SPIDR: variants seen among roughly 807,000 people sequenced by gnomAD.
SPIDR encodes scaffold protein involved in DNA repair.
In SPIDR, 93 loss-of-function variants were observed where a neutral mutation model predicts 104.6. That is an observed-to-expected ratio of 0.89 (90% CI 0.75 to 1.06). The LOEUF is 1.06. Ranked by LOEUF, SPIDR falls within the 50% of genes least tolerant of loss-of-function variation. The pLI, the probability that SPIDR is intolerant of heterozygous loss-of-function variation, is 0.00. For missense variants in SPIDR, 1,154 were observed against 1,111.2 expected, an observed-to-expected ratio of 1.04 and a Z score of -0.55; for synonymous variants, 431 against 416.9, an observed-to-expected ratio of 1.03 and a Z score of -0.41.
chr8:47,616,583 T>C (rs1318496476), intron 10 of SPIDR, among the ~76,000 whole-genome samples: 3 of 152,256 alleles, frequency 2.0e-5, no homozygotes, highest in Non-Finnish European at 4.4e-5. Flanking sequence ...TGCAGTGATA[T>C]TCTCTATAGT....
intron 8 of SPIDR, among the ~76,000 whole-genome samples, chr8:47,588,865 A>G (rs1248272189): frequency 6.6e-6 from 1 of 152,148 alleles, no homozygotes; most frequent in Non-Finnish European, 1.5e-5. Flanking sequence ...AACTTGGTGA[A>G]GGTGATTTTC....
chr8:47,430,033 G>T (rs141534492), intron 7 of SPIDR, among the ~76,000 whole-genome samples: 62 of 152,130 alleles, frequency 4.1e-4, no homozygotes, highest in African/African-American at 1.4e-3. Flanking sequence ...CCATGTGAAA[G>T]TCTCTCTCAG....
At chr8:47,317,780 C>A (rs1301283790) in intron 5 of SPIDR, among the ~76,000 whole-genome samples, 3 of 152,262 alleles carry the variant, frequency 2.0e-5, no homozygotes, top group African/African-American at 7.2e-5. Context: ...AGCAACATTT[C>A]CTGCTCACCG....
At chr8:47,531,880 A>G (rs989275970) in intron 8 of SPIDR, among the ~76,000 whole-genome samples, 1 of 152,348 alleles carries the variant, frequency 6.6e-6, no homozygotes, top group African/African-American at 2.4e-5. Flanking sequence ...GAAGAAAAAA[A>G]TAGAATCATA....
intron 10 of SPIDR, among the ~76,000 whole-genome samples, chr8:47,606,966 A>G (rs1372557746): frequency 1.3e-5 from 2 of 152,238 alleles, no homozygotes; most frequent in African/African-American, 2.4e-5. Context: ...TCCCTCGTCA[A>G]CAACACAGGG....
chr8:47,593,357 G>A (rs2061281591), intron 8 of SPIDR, among the ~76,000 whole-genome samples: 1 of 151,570 alleles, frequency 6.6e-6, no homozygotes, highest in Admixed American at 6.6e-5. Context: ...CCATTTTTAA[G>A]AAATATTTAT....
intron 5 of SPIDR, among the ~76,000 whole-genome samples, chr8:47,367,728 C>T (rs1205003989): frequency 6.6e-6 from 1 of 152,194 alleles, no homozygotes; most frequent in Non-Finnish European, 1.5e-5. Context: ...GGAGTGTGTC[C>T]ATAACCCGCC....
At chr8:47,719,392 C>T (rs920198048) in intron 16 of SPIDR, among the ~76,000 whole-genome samples, 6 of 152,042 alleles carry the variant, frequency 3.9e-5, no homozygotes, top group Non-Finnish European at 7.4e-5. Flanking sequence ...ACCTGTAGTC[C>T]CAGCTACTCG....
intron 5 of SPIDR, among the ~76,000 whole-genome samples, chr8:47,357,217 G>A (rs1257150729): frequency 1.3e-5 from 2 of 152,182 alleles, no homozygotes; most frequent in Non-Finnish European, 2.9e-5. Context: ...ATGCTAGCCT[G>A]CTTCTTGTTC....
intron 8 of SPIDR, among the ~76,000 whole-genome samples, chr8:47,524,631 G>T (rs2084697555): frequency 6.6e-6 from 1 of 152,176 alleles, no homozygotes; most frequent in African/African-American, 2.4e-5. Flanking sequence ...CGGGTGCCTG[G>T]GCCAAAGTAT....
intron 11 of SPIDR, 120 bp downstream of exon 11, chr8:47,674,061 C>A: frequency 7.6e-7 from 1 of 1,311,866 alleles, no homozygotes; most frequent in Non-Finnish European, 1.0e-6. Flanking sequence ...TAGAGTTTGC[C>A]CATAAAACAA....
At chr8:47,627,324 C>T (rs528325246) in intron 10 of SPIDR, among the ~76,000 whole-genome samples, 3 of 151,890 alleles carry the variant, frequency 2.0e-5, no homozygotes, top group South Asian at 4.2e-4. Flanking sequence ...AGCAACATGG[C>T]ACATGTATAC....
chr8:47,377,778 G>A (rs184743368), intron 5 of SPIDR, among the ~76,000 whole-genome samples: 13 of 152,266 alleles, frequency 8.5e-5, no homozygotes, highest in South Asian at 2.1e-4. Context: ...CCAAGTGGCC[G>A]CGTCAAGGGC....
At chr8:47,592,473 A>G (rs1354446488) in intron 8 of SPIDR, 2 of 1,424,800 alleles carry the variant, frequency 1.4e-6, no homozygotes, top group Admixed American at 1.7e-5. Context: ...CAAAGGGGGA[A>G]GGAATCCTGA....
intron 5 of SPIDR, among the ~76,000 whole-genome samples, chr8:47,389,975 A>C (rs1385481717): frequency 6.6e-6 from 1 of 152,178 alleles, no homozygotes; most frequent in Non-Finnish European, 1.5e-5. Context: ...TGGTTAAAGG[A>C]TATGAACACA....
chr8:47,497,367 T>C (rs1440075106), intron 8 of SPIDR, among the ~76,000 whole-genome samples: 1 of 152,194 alleles, frequency 6.6e-6, no homozygotes, highest in Non-Finnish European at 1.5e-5. Flanking sequence ...TAAGCACTGC[T>C]TTAGCTTGAT....
chr8:47,469,478 A>G (rs2075367293), intron 8 of SPIDR, among the ~76,000 whole-genome samples: 1 of 152,202 alleles, frequency 6.6e-6, no homozygotes, highest in Non-Finnish European at 1.5e-5. Context: ...CTAAATGCCC[A>G]TCAACGGTAG....
chr8:47,303,536 T>G (rs1238295855), intron 5 of SPIDR, among the ~76,000 whole-genome samples: 1 of 152,296 alleles, frequency 6.6e-6, no homozygotes, highest in East Asian at 1.9e-4. Context: ...TCTGCGTCAC[T>G]CACGCTGGGA....
At chr8:47,382,488 C>T (rs1481891252) in intron 5 of SPIDR, among the ~76,000 whole-genome samples, 3 of 152,218 alleles carry the variant, frequency 2.0e-5, no homozygotes, top group Non-Finnish European at 4.4e-5. Context: ...TCTTAACTCA[C>T]TGCAACCTCT....
Sources: allele counts gnomAD v4.1 joint callset (sites outside exome capture counted in the v4.1 genomes callset), GRCh38; gene constraint gnomAD v4.1.1; transcripts MANE v1.5; gene names NCBI Gene and HGNC (gene_info 2026-07-23, HGNC 2026-07-21).